Variants in SUCLG1 observed in about 807,000 individuals in gnomAD.
SUCLG1 encodes succinate-CoA ligase GDP/ADP-forming subunit alpha.
Under a neutral mutation model 37.3 loss-of-function variants are expected in SUCLG1, and 26 were observed. The ratio of observed to expected loss-of-function variants is 0.70; its 90% confidence interval spans 0.51 to 0.97. The LOEUF is 0.97. SUCLG1 is among the 50% of genes least tolerant of loss of function. The pLI is 0.00. For synonymous variants in SUCLG1, 163 were observed against 155.6 expected (o/e 1.05, Z -0.36); for missense variants, 433 against 432.9 (o/e 1.00, Z 0.00).
At position 84,425,590 on chromosome 2, in the gene SUCLG1, T is replaced by C; in HGVS notation, c.839A>G (p.Lys280Arg). 4 of 1,614,222 alleles carry C rather than the reference T, an allele frequency of 2.5e-6. No homozygotes were observed. The highest frequency in any genetic ancestry group is 3.4e-6 in the Non-Finnish European group (4 of 1,180,026). ...LKQHNSGPNS[K>R]PVVSFIAGLT... is the part of the protein sequence containing the mutation. ...ACCAGCAATGAAGGACACTACAGGC[T>C]TGGAATTTGGACCCTAGAAAGAAAG... Residue 280 changes from lysine (K) to arginine (R), a missense_variant, in exon 8 of 9, where the codon AAG (lysine) becomes AGG (arginine). By Grantham distance (26) the Lys-to-Arg change is conservative. Transcript: ENST00000393868.
At chr2:84,444,762 C>T (rs763344433) in intron 2 of SUCLG1, among the ~76,000 whole-genome samples, 14 of 152,104 alleles carry the variant, frequency 9.2e-5, no homozygotes, top group African/African-American at 3.4e-4. Flanking sequence ...CCCGAAGTGG[C>T]CATTTTAGAG....
intron 5 of SUCLG1, 63 bp downstream of exon 5, chr2:84,440,984 T>C: frequency 6.5e-7 from 1 of 1,536,530 alleles, no homozygotes; most frequent in Non-Finnish European, 9.0e-7. Context: ...AAATTCTTTG[T>C]GAGTTTTGAG....
chr2:84,455,635 A>G (rs1673007923), intron 1 of SUCLG1, among the ~76,000 whole-genome samples: 2 of 152,088 alleles, frequency 1.3e-5, no homozygotes. Context: ...GGAGATCGAG[A>G]CCATCCTGGC....
At chr2:84,440,241 C>T (rs10190527) in intron 5 of SUCLG1, among the ~76,000 whole-genome samples, 10,606 of 152,096 alleles carry the variant, frequency 0.07, 1,219 homozygotes, top group African/African-American at 0.24. Context: ...GGCGTGGTGG[C>T]GCATGCCTGT....
At position 84,444,879 on chromosome 2, in the gene SUCLG1, G is replaced by A. The variant is rs187686289; in HGVS notation, c.202-1479C>T. On this transcript the variant is annotated intron_variant, in intron 2 of 8. Coordinates refer to ENST00000393868, the MANE Select transcript of SUCLG1 (RefSeq NM_003849.4). Reference sequence around the variant, plus strand: ...TTTTGAAAAAATATGGCTCTGTTCCGCCCGGCTCACCGGTGGTCAGAGTTT... The same window carrying A: ...TTTTGAAAAAATATGGCTCTGTTCCACCCGGCTCACCGGTGGTCAGAGTTT... Among the ~76,000 whole-genome samples the A allele has an allele frequency of 3.2e-3, 489 of 152,252 alleles. 8 individuals are homozygous for A. The highest frequency in any genetic ancestry group is 0.011 in the African/African-American group (462 of 41,530).
intron 1 of SUCLG1, among the ~76,000 whole-genome samples, chr2:84,453,224 C>T (rs1377782763): frequency 6.6e-6 from 1 of 151,888 alleles, no homozygotes; most frequent in East Asian, 1.9e-4. Flanking sequence ...CAATGACAGA[C>T]CAGGGGAGTG....
intron 1 of SUCLG1, among the ~76,000 whole-genome samples, chr2:84,455,279 G>A (rs900392231): frequency 2.0e-5 from 3 of 152,050 alleles, no homozygotes; most frequent in East Asian, 3.9e-4. Flanking sequence ...CGGATCACCT[G>A]AGGTCAGGAG....
At chr2:84,431,787 T>G in intron 6 of SUCLG1, 128 bp from the exon 7 acceptor site, 1 of 897,820 alleles carries the variant, frequency 1.1e-6, no homozygotes, top group South Asian at 1.6e-5. Flanking sequence ...AATGTATCAT[T>G]GCTCTTGCAT....
rs187944529 is a variant in SUCLG1, at chr2:84,458,780, A to G, written c.97+393T>C. Among the ~76,000 whole-genome samples the G allele has an allele frequency of 2.4e-3, 369 of 152,062 alleles. 1 individual carries two copies. Among genetic ancestry groups the G allele is most frequent in the Non-Finnish European group, 4.0e-3 (273 of 67,978 alleles). ...TGAGACACTCTTCCTCTACCTCTCA[A>G]CCCAGACCCTTACCTTCCCCACCAA... On this transcript the variant is annotated intron_variant, in intron 1 of 8. Coordinates refer to ENST00000393868, the MANE Select transcript of SUCLG1 (RefSeq NM_003849.4).
chr2:84,436,736 T>A (rs1558610411), intron 5 of SUCLG1, among the ~76,000 whole-genome samples: 2 of 152,208 alleles, frequency 1.3e-5, no homozygotes, highest in African/African-American at 2.4e-5. Flanking sequence ...AGAACAATGT[T>A]CTCCTACCAC....
intron 1 of SUCLG1, among the ~76,000 whole-genome samples, chr2:84,457,156 A>G (rs1412270875): frequency 6.6e-6 from 1 of 152,176 alleles, no homozygotes; most frequent in African/African-American, 2.4e-5. Flanking sequence ...AGCTTCACAG[A>G]CTAAATAATT....
chr2:84,431,794 G>C lies in SUCLG1; in HGVS notation c.674-135C>G. On this transcript the variant is annotated intron_variant, in intron 6 of 8. Transcript: ENST00000393868. Reference sequence around the variant, plus strand: ...TATTTTTAAATGTATCATTGCTCTTGCATTTAATATTTAAAAAATCACAAA... The same window carrying C: ...TATTTTTAAATGTATCATTGCTCTTCCATTTAATATTTAAAAAATCACAAA... 4 of 858,074 alleles carry C rather than the reference G, an allele frequency of 4.7e-6. No homozygotes were observed. In the South Asian group the frequency reaches 6.5e-5, roughly 14 times the overall value. 53.2% of individuals were successfully genotyped at this position (858,074 alleles called of 1,614,324 possible).
intron 1 of SUCLG1, among the ~76,000 whole-genome samples, chr2:84,452,624 C>T (rs1387365235): frequency 6.6e-6 from 1 of 152,032 alleles, no homozygotes; most frequent in Non-Finnish European, 1.5e-5. Flanking sequence ...TGAGTGCACA[C>T]ATATTCTTAC....
At chr2:84,447,783 T>C (rs1205309730) in intron 2 of SUCLG1, among the ~76,000 whole-genome samples, 1 of 151,876 alleles carries the variant, frequency 6.6e-6, no homozygotes, top group Admixed American at 6.6e-5. Flanking sequence ...CAAGCTGGAG[T>C]AAGTGGTTCA....
Position 84,433,351 on chromosome 2 carries a change from C to A in SUCLG1, c.673+1G>T. 1 of 1,613,784 alleles carries A rather than the reference C, an allele frequency of 6.2e-7. No homozygotes were observed. The highest frequency in any genetic ancestry group is 1.1e-5 in the South Asian group (1 of 91,062). The stretch of plus-strand genomic sequence containing the variant: ...AAATGATTTTAGCAAAAGTCCCTCA[C>A]CAACGCACAAAGACTGCCCCAATCC... On this transcript the variant is annotated splice_donor_variant, in intron 6 of 8. Transcript: ENST00000393868. LOFTEE classifies it high-confidence loss of function.
At position 84,441,409 on chromosome 2, in the gene SUCLG1, A is replaced by G. The variant is rs2104254252; in HGVS notation, c.369T>C (p.Pro123=). ...ATASVIYVPP[P]FAAAAINEAI... is the part of the protein sequence containing the mutation. ...CTTCATTAATGGCAGCAGCAGCAAA[A>G]GGCGGAGGAACATAAATGACAGAAG... The change falls in exon 4 of 9, where the codon CCT becomes CCC. Residue 123 remains proline (P), a synonymous_variant. Transcript: ENST00000393868. The G allele has an allele frequency of 6.2e-7, 1 of 1,614,180 alleles. No individual in the cohort carries two copies. Among genetic ancestry groups the G allele is most frequent in the African/African-American group, 1.3e-5 (1 of 75,058 alleles).
At chr2:84,442,918 G>C (rs1401951756) in intron 3 of SUCLG1, among the ~76,000 whole-genome samples, 3 of 152,178 alleles carry the variant, frequency 2.0e-5, no homozygotes, top group African/African-American at 7.2e-5. Flanking sequence ...GGGTTGTAGT[G>C]AGGCCTGAAC....
chr2:84,430,612 G>A (rs1457320039), intron 7 of SUCLG1, among the ~76,000 whole-genome samples: 1 of 151,962 alleles, frequency 6.6e-6, no homozygotes, highest in Non-Finnish European at 1.5e-5. Context: ...TGATATTATT[G>A]GTTCCTTTAA....
intron 1 of SUCLG1, among the ~76,000 whole-genome samples, chr2:84,453,418 A>AT (rs1241000378): frequency 1.4e-3 from 63 of 46,200 alleles, no homozygotes; most frequent in South Asian, 7.4e-3. Flanking sequence ...AATAAGTATT[A>AT]TTATTATTTT....
Sources: gnomAD v4.1 joint callset for allele counts (sites outside exome capture counted in the v4.1 genomes callset) on GRCh38, gnomAD v4.1.1 for gene constraint, MANE v1.5 for transcripts, NCBI Gene and HGNC (gene_info 2026-07-23, HGNC 2026-07-21) for gene names.